The following PFKFB1 variants were observed in gnomAD, a reference collection of about 807,000 sequenced individuals.
PFKFB1 encodes the protein 6-phosphofructo-2-kinase/fructose-2,6-bisphosphatase 1.
PFKFB1 carries 34 observed loss-of-function variants against 46.4 expected under a neutral mutation model. That is an observed-to-expected ratio of 0.73 (90% CI 0.56 to 0.98). PFKFB1 has a LOEUF of 0.98. Among genes scored for constraint, PFKFB1 ranks in the 50% least tolerant of loss-of-function variants. The pLI is 0.00. For missense variants in PFKFB1, 393 were observed against 376.3 expected, an observed-to-expected ratio of 1.04 and a Z score of -0.37; for synonymous variants, 119 against 133.8, an observed-to-expected ratio of 0.89 and a Z score of 0.76.
At chrX:54,971,561 G>A (rs1217435454) in intron 1 of PFKFB1, among the ~76,000 whole-genome samples, 1 of 111,867 alleles carries the variant, frequency 8.9e-6, no homozygotes, top group African/African-American at 3.2e-5. Flanking sequence ...CATATGGCTA[G>A]CCAGTTTTCC....
chrX:54,977,549 C>G (rs1163471824), intron 1 of PFKFB1, among the ~76,000 whole-genome samples: 2 of 111,209 alleles, frequency 1.8e-5, no homozygotes, highest in East Asian at 2.8e-4. Context: ...AATTTAGGGT[C>G]AGAAATGGTA....
chrX:54,977,046 T>C (rs1417484753), intron 1 of PFKFB1, among the ~76,000 whole-genome samples: 1 of 110,549 alleles, frequency 9.0e-6, no homozygotes, highest in Non-Finnish European at 1.9e-5. Flanking sequence ...AATTGTTCTA[T>C]ACGGTACTAT....
intron 1 of PFKFB1, among the ~76,000 whole-genome samples, chrX:54,988,171 A>G (rs2146687549): frequency 8.9e-6 from 1 of 111,870 alleles, no homozygotes; most frequent in Admixed American, 9.5e-5. Context: ...CAATATATAA[A>G]AATCAATTAC....
At chrX:54,945,589 CCA>C (rs779281555) in intron 9 of PFKFB1, 46 bp from the exon 10 acceptor site, 2 of 817,615 alleles carry the variant, frequency 2.4e-6, no homozygotes, top group Admixed American at 2.6e-5. Context: ...AGATGAAATT[CCA>C]CAGAGTCTTT....
At chrX:54,972,057 C>T (rs1254099659) in intron 1 of PFKFB1, among the ~76,000 whole-genome samples, 2 of 110,748 alleles carry the variant, frequency 1.8e-5, no homozygotes, top group Admixed American at 1.9e-4. Flanking sequence ...CCTTCACATC[C>T]CTTGTAAGTT....
chrX:54,943,348 C>T (rs1477697556), intron 10 of PFKFB1, among the ~76,000 whole-genome samples: 2 of 111,706 alleles, frequency 1.8e-5, no homozygotes, highest in African/African-American at 3.3e-5. Flanking sequence ...AAACAACTGT[C>T]ATCCTAGAGT....
At chrX:54,980,309 G>T (rs1934946215) in intron 1 of PFKFB1, among the ~76,000 whole-genome samples, 1 of 108,817 alleles carries the variant, frequency 9.2e-6, no homozygotes, top group African/African-American at 3.4e-5. Flanking sequence ...CATATTTTTT[G>T]ATTTAACATA....
Position 54,939,505 on chromosome X carries a change from TAAAG to T in PFKFB1, c.1099-1785_1099-1782del, listed in dbSNP as rs1933537908. Among the ~76,000 whole-genome samples the T allele has an allele frequency of 2.7e-5, 3 of 110,585 alleles. No individual in the cohort carries two copies. In the Admixed American group the frequency reaches 2.9e-4, roughly 11 times the overall value. On this transcript the variant is annotated intron_variant, in intron 10 of 13. Coordinates refer to ENST00000375006, the MANE Select transcript of PFKFB1 (RefSeq NM_002625.4). ...ATTGATAGACCAGTAGCAAGACTAA[TAAAG>T]AAGAAAAGAGATAAGAATCAAATAG...
At chrX:54,997,375 G>A (rs1256852448), upstream of PFKFB1, among the ~76,000 whole-genome samples, 1 of 111,579 alleles carries the variant, frequency 9.0e-6, no homozygotes, top group Non-Finnish European at 1.9e-5. Context: ...TCAAGATCAA[G>A]CTCTGACCTG....
At chrX:54,941,183 A>G (rs1933617297) in intron 10 of PFKFB1, among the ~76,000 whole-genome samples, 1 of 112,322 alleles carries the variant, frequency 8.9e-6, no homozygotes, top group South Asian at 3.7e-4. Context: ...AAAACTGGCT[A>G]GCCACATGTA....
chrX:54,960,866 T>C lies in PFKFB1; in HGVS notation c.275A>G (p.Glu92Gly). The change falls in exon 3 of 14, where the codon GAA (glutamate) becomes GGA (glycine). Residue 92 changes from glutamate to glycine, a missense_variant. Coordinates refer to ENST00000375006, the MANE Select transcript of PFKFB1 (RefSeq NM_002625.4). Reference protein sequence around the residue: ...RREAVSYKNYEFFLPDNMEAL... With the variant: ...RREAVSYKNYGFFLPDNMEAL... ...TTCCATGTTGTCTGGAAGAAAGAAT[T>C]CATAGTTCTTGTAGCTCACTGCCTC... 8.4e-7 allele frequency: 1 copy of C among 1,195,135 alleles called. No individual in the cohort carries two copies. Among genetic ancestry groups the C allele is most frequent in the Non-Finnish European group, 1.1e-6 (1 of 883,134 alleles).
intron 1 of PFKFB1, among the ~76,000 whole-genome samples, chrX:54,974,513 T>C (rs1478834831): frequency 7.2e-5 from 8 of 111,494 alleles, no homozygotes; most frequent in African/African-American, 2.6e-4. Flanking sequence ...CAAGATAACA[T>C]TGGGAAAACT....
intron 7 of PFKFB1, among the ~76,000 whole-genome samples, chrX:54,953,525 T>C (rs1234495524): frequency 9.0e-6 from 1 of 111,590 alleles, no homozygotes; most frequent in East Asian, 2.8e-4. Context: ...AACTGAGGCA[T>C]AGAGAGAGAA....
At chrX:54,975,258 C>T (rs961550628) in intron 1 of PFKFB1, among the ~76,000 whole-genome samples, 1 of 110,989 alleles carries the variant, frequency 9.0e-6, no homozygotes, top group Non-Finnish European at 1.9e-5. Flanking sequence ...TTCTTTATAT[C>T]ATATACCATG....
At chrX:54,993,775 A>G in intron 1 of PFKFB1, 136 bp downstream of exon 1, 1 of 889,234 alleles carries the variant, frequency 1.1e-6, no homozygotes, top group East Asian at 3.5e-5. Context: ...ACTAGCCTCT[A>G]TTTCATCCAG....
In PFKFB1 at chrX:54,963,303, G is replaced by A; in HGVS notation, c.177C>T (p.Ser59=). 8.3e-7 allele frequency: 1 copy of A among 1,207,713 alleles called. No homozygotes were observed. The highest frequency in any genetic ancestry group is 1.1e-6 in the Non-Finnish European group (1 of 891,985). Residue 59 remains serine (S), a synonymous_variant, in exon 2 of 14, where the codon TCC becomes TCT. Coordinates refer to ENST00000375006, the MANE Select transcript of PFKFB1 (RefSeq NM_002625.4). ...GLPARGKTYI[S]TKLTRYLNWI... ...AGTTGAGATATCGTGTGAGCTTTGT[G>A]GAGATATAGGTCTTGCCTCGAGCTG...
At chrX:54,939,525 A>G (rs764291213) in intron 10 of PFKFB1, among the ~76,000 whole-genome samples, 1 of 112,099 alleles carries the variant, frequency 8.9e-6, no homozygotes, top group Non-Finnish European at 1.9e-5. Flanking sequence ...AAGAGATAAG[A>G]ATCAAATAGA....
intron 12 of PFKFB1, 135 bp from the exon 13 acceptor site, chrX:54,934,020 T>C: frequency 2.1e-6 from 1 of 472,998 alleles, no homozygotes; most frequent in Admixed American, 3.4e-5. Context: ...CTCGCCTGTA[T>C]GGAGGAGAAT....
chrX:54,997,746 T>A (rs1005492492), upstream of PFKFB1, among the ~76,000 whole-genome samples: 2 of 111,568 alleles, frequency 1.8e-5, no homozygotes, highest in Admixed American at 9.5e-5. Flanking sequence ...TGGCCCACCA[T>A]CTCTCCACTA....
Sources: gnomAD v4.1 joint callset for allele counts (sites outside exome capture counted in the v4.1 genomes callset) on GRCh38, gnomAD v4.1.1 for gene constraint, MANE v1.5 for transcripts, NCBI Gene and HGNC (gene_info 2026-07-23, HGNC 2026-07-21) for gene names.